RABGAP1L: variants seen among roughly 807,000 people sequenced by gnomAD.
RABGAP1L encodes the protein rab GTPase-activating protein 1-like.
A neutral mutation model predicts 137.7 loss-of-function variants in RABGAP1L; 63 were observed. The observed-to-expected ratio is 0.46, with a 90% CI of 0.37 to 0.56. The LOEUF (loss-of-function observed/expected upper bound fraction) is 0.56, where lower values mean the gene tolerates loss of function less well. Among genes scored for constraint, RABGAP1L ranks in the 20% least tolerant of loss-of-function variants. RABGAP1L has a pLI of 0.00. For missense variants in RABGAP1L, 1,095 were observed against 1,244.0 expected, an observed-to-expected ratio of 0.88 and a Z score of 1.80; for synonymous variants, 431 against 433.7, an observed-to-expected ratio of 0.99 and a Z score of 0.08.
chr1:174,532,731 A>G (rs1000562865), intron 13 of RABGAP1L, among the ~76,000 whole-genome samples: 1 of 152,164 alleles, frequency 6.6e-6, no homozygotes, highest in African/African-American at 2.4e-5. Flanking sequence ...TAATAGAAAT[A>G]TCTCATCCAG....
intron 16 of RABGAP1L, among the ~76,000 whole-genome samples, chr1:174,699,909 C>T (rs1352114597): frequency 2.0e-5 from 3 of 152,070 alleles, no homozygotes; most frequent in African/African-American, 7.2e-5. Flanking sequence ...TGAGTTTAAT[C>T]ATTAAGAGAT....
chr1:174,505,391 GC>G (rs1461999445), intron 13 of RABGAP1L, among the ~76,000 whole-genome samples: 1 of 151,670 alleles, frequency 6.6e-6, no homozygotes, highest in Non-Finnish European at 1.5e-5. Flanking sequence ...TCACATTTTG[GC>G]CCAAACTTTA....
intron 18 of RABGAP1L, among the ~76,000 whole-genome samples, chr1:174,811,239 C>T (rs1049368133): frequency 1.3e-5 from 2 of 152,024 alleles, no homozygotes; most frequent in Non-Finnish European, 1.5e-5. Flanking sequence ...ATTTGGTAAA[C>T]AATAGTTTTC....
chr1:174,743,558 C>T (rs966701724), intron 17 of RABGAP1L, among the ~76,000 whole-genome samples: 1 of 152,098 alleles, frequency 6.6e-6, no homozygotes, highest in Admixed American at 6.6e-5. Flanking sequence ...CTAAAAATTT[C>T]TTTCCTTGTT....
chr1:174,614,501 G>T (rs185496533), intron 13 of RABGAP1L, among the ~76,000 whole-genome samples: 3 of 152,276 alleles, frequency 2.0e-5, no homozygotes, highest in African/African-American at 7.2e-5. Context: ...CTCTCTGGCT[G>T]CCCTTAACAT....
chr1:174,514,528 C>T (rs1252715421), intron 13 of RABGAP1L, among the ~76,000 whole-genome samples: 3 of 152,050 alleles, frequency 2.0e-5, no homozygotes, highest in African/African-American at 7.2e-5. Context: ...AAAATATGTA[C>T]TTGTTTAAAC....
chr1:174,635,922 C>T (rs1427077819), intron 13 of RABGAP1L, among the ~76,000 whole-genome samples: 1 of 152,138 alleles, frequency 6.6e-6, no homozygotes, highest in African/African-American at 2.4e-5. Context: ...ATTAAAATAA[C>T]ATATATTAAA....
chr1:174,439,766 G>A (rs1303833941), intron 13 of RABGAP1L, among the ~76,000 whole-genome samples: 1 of 152,094 alleles, frequency 6.6e-6, no homozygotes, highest in Admixed American at 6.6e-5. Context: ...TATTTTATGT[G>A]CTTTATATTA....
chr1:174,470,040 T>C (rs963427005), intron 13 of RABGAP1L, among the ~76,000 whole-genome samples: 2 of 152,182 alleles, frequency 1.3e-5, no homozygotes, highest in Non-Finnish European at 2.9e-5. Context: ...TCCTTGTATA[T>C]GAGATCTTGA....
chr1:174,161,791 C>T (rs1167475103), intron 1 of RABGAP1L, among the ~76,000 whole-genome samples: 1 of 152,200 alleles, frequency 6.6e-6, no homozygotes, highest in Non-Finnish European at 1.5e-5. Context: ...TGCAGTGGCT[C>T]AGTCCTAGCT....
chr1:174,852,546 G>T (rs779029431), intron 19 of RABGAP1L, among the ~76,000 whole-genome samples: 1 of 152,174 alleles, frequency 6.6e-6, no homozygotes, highest in Admixed American at 6.5e-5. Flanking sequence ...GGGCATGGTG[G>T]CTCACACCTG....
intron 17 of RABGAP1L, among the ~76,000 whole-genome samples, chr1:174,726,148 G>A (rs986501433): frequency 2.6e-5 from 4 of 152,046 alleles, no homozygotes; most frequent in African/African-American, 9.7e-5. Flanking sequence ...TTTTGTATTA[G>A]ATTTGTGTTT....
intron 19 of RABGAP1L, among the ~76,000 whole-genome samples, chr1:174,947,400 C>T (rs1667054772): frequency 6.6e-6 from 1 of 150,686 alleles, no homozygotes; most frequent in Non-Finnish European, 1.5e-5. Flanking sequence ...CCAGCCAAGC[C>T]TGTTTAATTT....
At chr1:174,351,791 TTTTTGTTTTG>T (rs200500961) in intron 11 of RABGAP1L, among the ~76,000 whole-genome samples, 8 of 150,896 alleles carry the variant, frequency 5.3e-5, no homozygotes, top group South Asian at 2.1e-4. Flanking sequence ...CTGTGTGTTT[TTTTTGTTTTG>T]TTTTGTTTTG....
intron 13 of RABGAP1L, among the ~76,000 whole-genome samples, chr1:174,556,779 C>T (rs2072758): frequency 0.09 from 13,655 of 152,214 alleles, 830 homozygotes; most frequent in East Asian, 0.22. Flanking sequence ...CACATTTCTC[C>T]GAGTACAAAC....
At chr1:174,639,184 C>T (rs564865333) in intron 14 of RABGAP1L, among the ~76,000 whole-genome samples, 119 of 151,954 alleles carry the variant, frequency 7.8e-4, no homozygotes, top group Admixed American at 2.0e-4. Flanking sequence ...TACTTTTTCT[C>T]TCTCTCATAT....
chr1:174,415,655 G>A (rs1236742161), intron 13 of RABGAP1L, among the ~76,000 whole-genome samples: 1 of 151,970 alleles, frequency 6.6e-6, no homozygotes. Context: ...TTCAGTTCTG[G>A]TGTGAAGTAG....
chr1:174,695,582 C>G (rs564416576), intron 15 of RABGAP1L, among the ~76,000 whole-genome samples: 1 of 152,282 alleles, frequency 6.6e-6, no homozygotes, highest in Admixed American at 6.5e-5. Flanking sequence ...TGTCACATAT[C>G]TCTCACTCCA....
At chr1:174,659,233 T>C (rs1490808820) in intron 14 of RABGAP1L, among the ~76,000 whole-genome samples, 1 of 123,240 alleles carries the variant, frequency 8.1e-6, no homozygotes, top group East Asian at 2.1e-4. Context: ...TGCTTTACTT[T>C]ACCAAAAAAA....
Sources: allele counts gnomAD v4.1 joint callset (sites outside exome capture counted in the v4.1 genomes callset), GRCh38; gene constraint gnomAD v4.1.1; transcripts MANE v1.5; gene names NCBI Gene and HGNC (gene_info 2026-07-23, HGNC 2026-07-21).